Variants in NWD2 observed in about 807,000 individuals in gnomAD.
NWD2 encodes NACHT and WD repeat domain-containing protein 2.
Under a neutral mutation model 132.7 loss-of-function variants are expected in NWD2, and 37 were observed. That is an observed-to-expected ratio of 0.28 (90% CI 0.21 to 0.37). The LOEUF is 0.37. Among genes scored for constraint, NWD2 ranks in the 10% least tolerant of loss-of-function variants. The probability of loss-of-function intolerance (pLI) is 1.00; values close to 1 mark genes in which losing one functional copy is unlikely to be tolerated. For missense variants in NWD2, 1,592 were observed against 2,122.4 expected, an observed-to-expected ratio of 0.75 and a Z score of 4.91; for synonymous variants, 705 against 803.0, an observed-to-expected ratio of 0.88 and a Z score of 2.06.
chr4:37,309,618 A>G (rs920231963), intron 1 of NWD2, among the ~76,000 whole-genome samples: 12 of 151,990 alleles, frequency 7.9e-5, no homozygotes, highest in Admixed American at 7.2e-4. Flanking sequence ...GGAACTCAGC[A>G]TGAGTTCCCT....
Position 37,448,934 on chromosome 4 carries a change from G to A in NWD2, c.*1717G>A, listed in dbSNP as rs769421105. Reference sequence around the variant, plus strand: ...TTGGAAAGCAGTTTAACATGTAAGCGTTCAAAGATGTGATTCAGATAAAAA... The same window carrying A: ...TTGGAAAGCAGTTTAACATGTAAGCATTCAAAGATGTGATTCAGATAAAAA... On this transcript the variant is annotated 3_prime_UTR_variant, in exon 7 of 7. Transcript: ENST00000309447. 3 of 152,146 alleles carry A rather than the reference G, an allele frequency of 2.0e-5. No individual in the cohort carries two copies. Among genetic ancestry groups the A allele is most frequent in the Admixed American group, 1.3e-4 (2 of 15,272 alleles). The allele number at this position is 152,146 out of a possible 1,614,324, so 9.4% of individuals were successfully genotyped here. A position where few individuals can be genotyped will look rare whatever the true frequency, so the allele number is the denominator to read the frequency against.
chr4:37,279,324 C>T (rs1057008077), intron 1 of NWD2, among the ~76,000 whole-genome samples: 14 of 152,194 alleles, frequency 9.2e-5, no homozygotes, highest in South Asian at 6.2e-4. Context: ...AAAAGTATTA[C>T]GTAACAGTAA....
intron 3 of NWD2, among the ~76,000 whole-genome samples, chr4:37,414,082 G>A (rs1273921404): frequency 6.6e-6 from 1 of 151,648 alleles, no homozygotes; most frequent in Non-Finnish European, 1.5e-5. Flanking sequence ...CAACAAAACT[G>A]CACGTTCTCC....
intron 3 of NWD2, among the ~76,000 whole-genome samples, chr4:37,421,801 A>G (rs1256521658): frequency 6.6e-6 from 1 of 152,236 alleles, no homozygotes; most frequent in Admixed American, 6.5e-5. Context: ...TAGTCAGTTC[A>G]GGCCACAAGG....
At chr4:37,383,387 C>T (rs374005877) in intron 3 of NWD2, among the ~76,000 whole-genome samples, 4 of 152,262 alleles carry the variant, frequency 2.6e-5, no homozygotes, top group East Asian at 1.9e-4. Flanking sequence ...ATGCCAGAGA[C>T]GCCTACTTTT....
At chr4:37,298,761 A>C (rs1431028392) in intron 1 of NWD2, among the ~76,000 whole-genome samples, 1 of 152,206 alleles carries the variant, frequency 6.6e-6, no homozygotes, top group Non-Finnish European at 1.5e-5. Context: ...ATTTCCTCAC[A>C]AAATACCTAT....
intron 1 of NWD2, among the ~76,000 whole-genome samples, chr4:37,311,307 C>T (rs967217778): frequency 3.3e-5 from 5 of 152,078 alleles, no homozygotes; most frequent in Admixed American, 3.3e-4. Flanking sequence ...TGTTTCCTGA[C>T]TTTTTAATGA....
At chr4:37,304,191 A>G (rs1718663307) in intron 1 of NWD2, among the ~76,000 whole-genome samples, 1 of 152,186 alleles carries the variant, frequency 6.6e-6, no homozygotes, top group African/African-American at 2.4e-5. Context: ...GAAAAGGAAG[A>G]AGAGAGAGAG....
chr4:37,318,356 G>A (rs549830945), intron 1 of NWD2, among the ~76,000 whole-genome samples: 5 of 152,232 alleles, frequency 3.3e-5, no homozygotes, highest in Non-Finnish European at 7.4e-5. Context: ...ATGTAAGGAT[G>A]TATGAGAAGG....
chr4:37,368,809 C>T (rs985402742), intron 3 of NWD2, among the ~76,000 whole-genome samples: 10 of 152,256 alleles, frequency 6.6e-5, no homozygotes, highest in African/African-American at 2.4e-4. Flanking sequence ...GCCAGACCTT[C>T]TAAGTTAAAT....
intron 3 of NWD2, among the ~76,000 whole-genome samples, chr4:37,400,370 C>T (rs534879696): frequency 4.8e-4 from 73 of 152,326 alleles, no homozygotes; most frequent in Middle Eastern, 3.4e-3. Context: ...TTGCCTGTGG[C>T]TGTTAACCAG....
intron 3 of NWD2, among the ~76,000 whole-genome samples, chr4:37,374,376 T>C (rs551989920): frequency 6.6e-6 from 1 of 152,308 alleles, no homozygotes; most frequent in African/African-American, 2.4e-5. Context: ...AAGCCCTCTT[T>C]ACAAATTACT....
intron 1 of NWD2, among the ~76,000 whole-genome samples, chr4:37,260,163 CAT>C (rs1717600089): frequency 6.6e-6 from 1 of 152,126 alleles, no homozygotes. Flanking sequence ...CCAATAGTGT[CAT>C]GTGTGCATGA....
intron 1 of NWD2, among the ~76,000 whole-genome samples, chr4:37,245,998 C>T (rs1357998978): frequency 6.6e-6 from 1 of 152,196 alleles, no homozygotes; most frequent in Non-Finnish European, 1.5e-5. Context: ...CCTTCCAGTC[C>T]TTAGTCCTCA....
At chr4:37,307,928 T>C (rs1488702735) in intron 1 of NWD2, among the ~76,000 whole-genome samples, 1 of 152,090 alleles carries the variant, frequency 6.6e-6, no homozygotes, top group East Asian at 1.9e-4. Context: ...ATGGATTCAT[T>C]GATTTTTTTA....
In NWD2 at chr4:37,449,078, T is replaced by C. The variant is rs1186643854; in HGVS notation, c.*1861T>C. 1 of 152,226 alleles carries C rather than the reference T, an allele frequency of 6.6e-6. No individual in the cohort carries two copies. Among genetic ancestry groups the C allele is most frequent in the Admixed American group, 6.5e-5 (1 of 15,286 alleles). 9.4% of individuals were successfully genotyped at this position (152,226 alleles called of 1,614,324 possible). A position where few individuals can be genotyped will look rare whatever the true frequency, so the allele number is the denominator to read the frequency against. ...TACAGATCACCTGGAGTTGATTATA[T>C]GAGTCTATGCTTTTGAGCTCTTTAG... On this transcript the variant is annotated 3_prime_UTR_variant, in exon 7 of 7. Coordinates refer to ENST00000309447, the MANE Select transcript of NWD2 (RefSeq NM_001144990.2).
At position 37,444,151 on chromosome 4, in the gene NWD2, A is replaced by G; in HGVS notation, c.2163A>G (p.Glu721=). The G allele has an allele frequency of 6.4e-7, 1 of 1,551,748 alleles. No homozygotes were observed. The highest frequency in any genetic ancestry group is 8.7e-7 in the Non-Finnish European group (1 of 1,147,004). The change falls in exon 7 of 7, where the codon GAA becomes GAG. Residue 721 remains glutamate (E), a synonymous_variant. Transcript: ENST00000309447. The surrounding 1 kb of genome is among the most constrained non-coding windows in gnomAD (Gnocchi z 4.8). ...LKEGLSGYLI[E]RHVKNVTLLV... ...AGGGTCTCAGTGGATACCTAATAGAAAGACATGTGAAAAATGTCACACTCC... is the reference window on the plus strand; with the variant it reads ...AGGGTCTCAGTGGATACCTAATAGAGAGACATGTGAAAAATGTCACACTCC...
At chr4:37,281,678 G>T (rs1718133063) in intron 1 of NWD2, among the ~76,000 whole-genome samples, 1 of 152,082 alleles carries the variant, frequency 6.6e-6, no homozygotes, top group African/African-American at 2.4e-5. Context: ...CATGCTCAAG[G>T]TCACACCATA....
In NWD2 at chr4:37,439,095, T is replaced by C. The variant is rs773963313; in HGVS notation, c.1001T>C (p.Ile334Thr). The C allele has an allele frequency of 2.6e-5, 41 of 1,551,720 alleles. No homozygotes were observed. The South Asian group carries it at 4.6e-4, about 18-fold the overall frequency. Residue 334 changes from isoleucine to threonine, a missense_variant, in exon 6 of 7, where the codon ATA (isoleucine) becomes ACA (threonine). Around this residue, in one of 7 missense-constraint regions of NWD2, gnomAD observed 1,071 missense variants for 1,398.0 expected, o/e 0.77. Coordinates refer to ENST00000309447, the MANE Select transcript of NWD2 (RefSeq NM_001144990.2). The surrounding 1 kb of genome is among the most constrained non-coding windows in gnomAD (Gnocchi z 4.5). ...ATGAAACTAGGCTACTCCCAAGAAA[T>C]AGAAAATCATTACATCGAAGGACTT... ...CDMKLGYSQE[I>T]ENHYIEGLGK...
Sources: allele counts gnomAD v4.1 joint callset (sites outside exome capture counted in the v4.1 genomes callset), GRCh38; gene constraint gnomAD v4.1.1; regional missense constraint gnomAD v4.1.1; non-coding constraint Gnocchi (gnomAD v3.1); transcripts MANE v1.5; gene names NCBI Gene and HGNC (gene_info 2026-07-23, HGNC 2026-07-21).